GRM8: variants seen among roughly 807,000 people sequenced by gnomAD.
GRM8 encodes glutamate metabotropic receptor 8, also known as metabotropic glutamate receptor 8.
A neutral mutation model predicts 87.2 loss-of-function variants in GRM8; 47 were observed. The ratio of observed to expected loss-of-function variants is 0.54; its 90% confidence interval spans 0.43 to 0.69. The LOEUF (loss-of-function observed/expected upper bound fraction) is 0.69. Among genes scored for constraint, GRM8 ranks in the 30% least tolerant of loss-of-function variants. GRM8 has a pLI of 0.00. For synonymous variants in GRM8, 396 were observed against 404.5 expected (o/e 0.98, Z 0.25); for missense variants, 1,019 against 1,139.2 (o/e 0.89, Z 1.52).
At chr7:126,563,951 C>T (rs533758915) in intron 8 of GRM8, among the ~76,000 whole-genome samples, 18 of 152,256 alleles carry the variant, frequency 1.2e-4, no homozygotes, top group African/African-American at 3.6e-4. Flanking sequence ...GAACTCTAAA[C>T]CAGTGGTATA....
intron 9 of GRM8, among the ~76,000 whole-genome samples, chr7:126,523,603 T>C (rs1584933645): frequency 6.6e-6 from 1 of 152,074 alleles, no homozygotes; most frequent in African/African-American, 2.4e-5. Context: ...GTTCAAGTTA[T>C]TCTCCTGCCT....
At chr7:127,086,100 T>C (rs759859631) in intron 3 of GRM8, among the ~76,000 whole-genome samples, 1 of 148,506 alleles carries the variant, frequency 6.7e-6, no homozygotes, top group Non-Finnish European at 1.5e-5. Flanking sequence ...TTGTTTTTGA[T>C]TGTTTTGTTT....
At position 127,252,853 on chromosome 7, in the gene GRM8, TCAG is replaced by T; in HGVS notation, c.-371_-369del. ...CCCGCCGGGGGCCCGCAGCTCCATG[TCAG>T]CGCCGCCGCCGCCGCCGCCGCCGCC... On this transcript the variant is annotated 5_prime_UTR_variant, in exon 1 of 11. Coordinates refer to ENST00000339582, the MANE Select transcript of GRM8 (RefSeq NM_000845.3). This position sits in a 1 kb window ranked among gnomAD's most constrained non-coding sequence, Gnocchi z 4.9. 3 of 219,452 alleles carry T rather than the reference TCAG, an allele frequency of 1.4e-5. No homozygotes were observed. Among genetic ancestry groups the T allele is most frequent in the Non-Finnish European group, 2.6e-5 (3 of 115,140 alleles). 13.6% of individuals were successfully genotyped at this position (219,452 alleles called of 1,614,324 possible).
intron 3 of GRM8, among the ~76,000 whole-genome samples, chr7:126,971,744 A>G (rs1810451903): frequency 6.6e-6 from 1 of 152,194 alleles, no homozygotes. Flanking sequence ...TTGGACTCCC[A>G]GTATAGAGAC....
chr7:126,606,705 GCAA>G (rs1406611705), intron 8 of GRM8, among the ~76,000 whole-genome samples: 5 of 152,080 alleles, frequency 3.3e-5, no homozygotes, highest in African/African-American at 9.7e-5. Context: ...GGTAAAACCC[GCAA>G]CGCTATCTAG....
chr7:126,463,951 A>T (rs2150528521), intron 9 of GRM8, among the ~76,000 whole-genome samples: 1 of 151,792 alleles, frequency 6.6e-6, no homozygotes, highest in Non-Finnish European at 1.5e-5. Flanking sequence ...TATTTTTGCC[A>T]TTATGCTGTG....
At chr7:126,578,171 T>C (rs1795278506) in intron 8 of GRM8, among the ~76,000 whole-genome samples, 1 of 152,132 alleles carries the variant, frequency 6.6e-6, no homozygotes, top group African/African-American at 2.4e-5. Context: ...TCATAATGGG[T>C]TGATTGGAAA....
chr7:126,797,458 A>AT (rs924402787), intron 6 of GRM8, among the ~76,000 whole-genome samples: 4 of 151,972 alleles, frequency 2.6e-5, no homozygotes, highest in African/African-American at 9.6e-5. Context: ...TTCCAACTCT[A>AT]TTTTTTTTAA....
At chr7:126,794,102 A>G (rs1821677030) in intron 6 of GRM8, among the ~76,000 whole-genome samples, 1 of 152,162 alleles carries the variant, frequency 6.6e-6, no homozygotes, top group Non-Finnish European at 1.5e-5. Context: ...CAGAAATCAC[A>G]AAAACAAAGA....
At chr7:127,241,522 C>T (rs1274408688) in intron 2 of GRM8, among the ~76,000 whole-genome samples, 1 of 151,622 alleles carries the variant, frequency 6.6e-6, no homozygotes, top group African/African-American at 2.4e-5. Context: ...CAACCTCCAC[C>T]TCCCAGGTTC....
chr7:127,025,025 C>T (rs1042479557), intron 3 of GRM8, among the ~76,000 whole-genome samples: 1 of 152,022 alleles, frequency 6.6e-6, no homozygotes, highest in Non-Finnish European at 1.5e-5. Context: ...GGCCATTTCC[C>T]CTAACAGTGC....
chr7:127,208,596 CG>C (rs1796045365), intron 2 of GRM8, among the ~76,000 whole-genome samples: 2 of 152,220 alleles, frequency 1.3e-5, no homozygotes, highest in African/African-American at 4.8e-5. Flanking sequence ...ACTCTAGAGC[CG>C]GTCTCTGCCA....
chr7:126,686,866 T>A (rs1682881671), intron 7 of GRM8, among the ~76,000 whole-genome samples: 1 of 152,244 alleles, frequency 6.6e-6, no homozygotes, highest in African/African-American at 2.4e-5. Context: ...CCACGGATCC[T>A]GTAACATTAC....
intron 6 of GRM8, among the ~76,000 whole-genome samples, chr7:126,780,841 C>G (rs1009664875): frequency 6.6e-6 from 1 of 151,608 alleles, no homozygotes. Context: ...ATTTCCAGTT[C>G]TAAAAGAGCA....
chr7:126,456,784 T>C (rs1193856090), intron 9 of GRM8, among the ~76,000 whole-genome samples: 1 of 151,508 alleles, frequency 6.6e-6, no homozygotes, highest in Non-Finnish European at 1.5e-5. Context: ...TGCCGACTAG[T>C]AGAAAATTGA....
intron 9 of GRM8, among the ~76,000 whole-genome samples, chr7:126,476,439 A>G (rs2150575579): frequency 6.6e-6 from 1 of 152,314 alleles, no homozygotes; most frequent in African/African-American, 2.4e-5. Flanking sequence ...TGTGCAGGAA[A>G]GGAAACAGCA....
At chr7:127,084,821 TG>T (rs1419329252) in intron 3 of GRM8, 1 of 152,224 alleles carries the variant, frequency 6.6e-6, no homozygotes, top group Admixed American at 6.5e-5. Context: ...GGTTGTTTTT[TG>T]TTTTTAAATA....
At chr7:126,628,897 A>G (rs4731317) in intron 7 of GRM8, among the ~76,000 whole-genome samples, 15,970 of 151,890 alleles carry the variant, frequency 0.11, 1,013 homozygotes, top group East Asian at 0.31. Flanking sequence ...TAAATAGAGG[A>G]AAAAAAAGCA....
intron 2 of GRM8, among the ~76,000 whole-genome samples, chr7:127,138,251 C>G (rs2133254780): frequency 6.6e-6 from 1 of 152,206 alleles, no homozygotes; most frequent in African/African-American, 2.4e-5. Context: ...CCATTGCATT[C>G]TTTTAAAATT....
Sources: gnomAD v4.1 joint callset for allele counts (sites outside exome capture counted in the v4.1 genomes callset) on GRCh38, gnomAD v4.1.1 for gene constraint, Gnocchi (gnomAD v3.1) non-coding constraint, MANE v1.5 for transcripts, NCBI Gene and HGNC (gene_info 2026-07-23, HGNC 2026-07-21) for gene names.